CEP131: variants seen among roughly 807,000 people sequenced by gnomAD.
CEP131 encodes centrosomal protein 131, also known as centrosomal protein of 131 kDa.
Under a neutral mutation model 136.8 loss-of-function variants are expected in CEP131, and 99 were observed. The ratio of observed to expected loss-of-function variants is 0.72; its 90% CI spans 0.62 to 0.86. CEP131 has a LOEUF of 0.86. Among genes scored for constraint, CEP131 ranks in the 40% least tolerant of loss-of-function variants. The pLI is 0.00. For missense variants in CEP131, 1,459 were observed against 1,463.0 expected, an observed-to-expected ratio of 1.00 and a Z score of 0.04; for synonymous variants, 646 against 612.7, an observed-to-expected ratio of 1.05 and a Z score of -0.80.
At chr17:81,210,337 C>T (rs942316195) in intron 2 of CEP131, among the ~76,000 whole-genome samples, 1 of 152,096 alleles carries the variant, frequency 6.6e-6, no homozygotes, top group East Asian at 1.9e-4. Context: ...TTTGGGAGGC[C>T]GAGGCGGGTG....
chr17:81,194,785 G>T, intron 17 of CEP131, 85 bp downstream of exon 17: 2 of 1,102,272 alleles, frequency 1.8e-6, no homozygotes, highest in Non-Finnish European at 2.8e-6. Flanking sequence ...CTACATGAAT[G>T]CCTGAAGTTA....
rs759904172 is a variant in CEP131, at chr17:81,192,335, C to T, written c.2605G>A (p.Gly869Ser). ...LELERQAWEA[G>S]RTRKEEAWLL... Reference sequence around the variant, plus strand: ...GCCCCCACCTCCTTCCTGGTGCGGCCGGCCTCCCACGCCTGCCTCTCCAGC... The same window carrying T: ...GCCCCCACCTCCTTCCTGGTGCGGCTGGCCTCCCACGCCTGCCTCTCCAGC... Residue 869 changes from glycine to serine, a missense_variant, in exon 21 of 26, where the codon GGC (glycine) becomes AGC (serine). This residue lies in a region of CEP131 where 1,026 missense variants were observed against 964.2 expected (regional missense o/e 1.06). Coordinates refer to ENST00000450824, the MANE Select transcript of CEP131 (RefSeq NM_014984.4). 21 of 1,563,848 alleles carry T rather than the reference C, an allele frequency of 1.3e-5. No individual in the cohort carries two copies. Among genetic ancestry groups the T allele is most frequent in the East Asian group, 1.2e-4 (5 of 41,946 alleles).
Position 81,197,029 on chromosome 17 carries a change from C to A in CEP131, c.1674G>T (p.Gly558=). The change falls in exon 14 of 26, where the codon GGG becomes GGT. Residue 558 remains glycine (G), a synonymous_variant. Coordinates refer to ENST00000450824, the MANE Select transcript of CEP131 (RefSeq NM_014984.4). ...TCACCTCGGACCCCAGCTCCAGGGGCCCCGGCCCCGCCTCCGGCACCCACC... is the reference window on the plus strand; with the variant it reads ...TCACCTCGGACCCCAGCTCCAGGGGACCCGGCCCCGCCTCCGGCACCCACC... ...QEGWVPEAGP[G]PLELGSEVST... The A allele has an allele frequency of 1.3e-6, 2 of 1,590,522 alleles. No homozygotes were observed. Among genetic ancestry groups the A allele is most frequent in the Non-Finnish European group, 8.6e-7 (1 of 1,168,680 alleles).
Position 81,198,313 on chromosome 17 carries a change from G to A in CEP131, c.1288-16C>T. 6.3e-7 allele frequency: 1 copy of A among 1,579,514 alleles called. No homozygotes were observed. The highest frequency in any genetic ancestry group is 2.3e-5 in the East Asian group (1 of 43,028). On this transcript the variant is annotated splice_polypyrimidine_tract_variant and intron_variant, in intron 11 of 25. Coordinates refer to ENST00000450824, the MANE Select transcript of CEP131 (RefSeq NM_014984.4). ...CAAGAACGTCCTGCAAAAGAGCAGG[G>A]AGACAGATGCAGCAAGGCTGCTGGT...
chr17:81,220,525 G>A (rs1171043374), intron 1 of CEP131, among the ~76,000 whole-genome samples: 2 of 152,076 alleles, frequency 1.3e-5, no homozygotes, highest in African/African-American at 4.8e-5. Context: ...ACAGAGTCTC[G>A]TTCTTGTCAC....
chr17:81,196,144 C>G (rs8071693), intron 15 of CEP131, among the ~76,000 whole-genome samples, 193 bp from the exon 16 acceptor site: 1 of 152,134 alleles, frequency 6.6e-6, no homozygotes, highest in South Asian at 2.1e-4. Flanking sequence ...GGCCTGCATC[C>G]GCCGTCCTGT....
rs775016753 is a variant in CEP131 at position 81,207,108 on chromosome 17, C to T, written c.387+17G>A. On this transcript the variant is annotated intron_variant, in intron 4 of 25. Transcript: ENST00000450824. ...CATCACAGAGACCAGGACGTGGGGC[C>T]GCATGCACCACCTTACCAGGACGTT... The T allele has an allele frequency of 1.4e-5, 23 of 1,602,268 alleles. 1 individual carries two copies. Among genetic ancestry groups the T allele is most frequent in the East Asian group, 8.9e-5 (4 of 44,780 alleles).
chr17:81,198,319 G>C (rs112770207), intron 11 of CEP131, 22 bp from the exon 12 acceptor site: 228,409 of 1,568,862 alleles, frequency 0.15, 19,148 homozygotes, highest in Non-Finnish European at 0.17. Context: ...CAGGGAGACA[G>C]ATGCAGCAAG....
chr17:81,195,257 G>T (rs555770465), intron 16 of CEP131, among the ~76,000 whole-genome samples: 1 of 152,358 alleles, frequency 6.6e-6, no homozygotes, highest in East Asian at 1.9e-4. Context: ...GCTGCCTGTC[G>T]GGACGGCCCC....
chr17:81,192,902 C>T, intron 18 of CEP131, 59 bp from the exon 19 acceptor site: 1 of 1,555,938 alleles, frequency 6.4e-7, no homozygotes, highest in South Asian at 1.2e-5. Flanking sequence ...AGGACCCACC[C>T]ACCGCAGGGG....
In CEP131 at chr17:81,203,154, T is replaced by C. The variant is rs1384199590; in HGVS notation, c.629+340A>G. ...TTCTGGGCTCTGCACAAGCCTTGGCTTCCTCCTGGGGGCCCCACCTCAGGG... is the reference window on the plus strand; with the variant it reads ...TTCTGGGCTCTGCACAAGCCTTGGCCTCCTCCTGGGGGCCCCACCTCAGGG... On this transcript the variant is annotated intron_variant, in intron 6 of 25. Transcript: ENST00000450824. This position sits in a 1 kb window ranked among gnomAD's most constrained non-coding sequence, Gnocchi z 4.6. Among the ~76,000 whole-genome samples the C allele has an allele frequency of 2.0e-5, 3 of 152,016 alleles. No homozygotes were observed. The highest frequency in any genetic ancestry group is 4.4e-5 in the Non-Finnish European group (3 of 67,992).
rs754909164 is a variant in CEP131, at chr17:81,196,705, T to C, written c.1895A>G (p.Asp632Gly). The change falls in exon 15 of 26, where the codon GAC (aspartate) becomes GGC (glycine). Residue 632 changes from aspartate (D) to glycine (G), a missense_variant. Asp to Gly is a moderately conservative substitution (Grantham distance 94). Transcript: ENST00000450824. ...TGCGCTCCCCGGGCCGCTCACCTGG[T>C]CAATGAAGGCCAAGTGCCGCTGGAT... is the stretch of plus-strand genomic sequence containing the variant. ...ATIQRHLAFI[D>G]QLIEDKKVLS... The C allele has an allele frequency of 4.2e-5, 67 of 1,604,766 alleles. No homozygotes were observed. Among genetic ancestry groups the C allele is most frequent in the Non-Finnish European group, 5.4e-5 (64 of 1,178,500 alleles).
Position 81,219,680 on chromosome 17 carries a change from C to G in CEP131, c.177+200G>C, listed in dbSNP as rs1057064891. On this transcript the variant is annotated intron_variant, in intron 2 of 25. Coordinates refer to ENST00000450824, the MANE Select transcript of CEP131 (RefSeq NM_014984.4). This position sits in a 1 kb window ranked among gnomAD's most constrained non-coding sequence, Gnocchi z 4.0. ...GGCTGTTGCTGAAAGAATCCAAGCTCTGGCTTGACTTTCTAGTGATTCAGC... is the reference window on the plus strand; with the variant it reads ...GGCTGTTGCTGAAAGAATCCAAGCTGTGGCTTGACTTTCTAGTGATTCAGC... Among the ~76,000 whole-genome samples, 1 of 152,184 alleles carries G rather than the reference C, an allele frequency of 6.6e-6. No individual in the cohort carries two copies. Among genetic ancestry groups the G allele is most frequent in the African/African-American group, 2.4e-5 (1 of 41,438 alleles).
chr17:81,220,726 C>G (rs1354951139), intron 1 of CEP131, among the ~76,000 whole-genome samples: 1 of 151,990 alleles, frequency 6.6e-6, no homozygotes, highest in Non-Finnish European at 1.5e-5. Context: ...GTCTCGAACT[C>G]CTGACCTCAG....
rs142165029 is a variant in CEP131, at chr17:81,212,817, C to T, written c.178-3795G>A. On this transcript the variant is annotated intron_variant, in intron 2 of 25. Transcript: ENST00000450824. ...TAGCGGCAGAGACATCAGTAGGACG[C>T]ACAACACCAATGGTTACTAGGTAGG... Among the ~76,000 whole-genome samples the T allele has an allele frequency of 3.4e-3, 515 of 152,238 alleles. 4 individuals are homozygous for T. Among genetic ancestry groups the T allele is most frequent in the African/African-American group, 0.012 (483 of 41,536 alleles).
At chr17:81,193,865 C>G in intron 18 of CEP131, 61 bp downstream of exon 18, 2 of 1,503,042 alleles carry the variant, frequency 1.3e-6, no homozygotes, top group Non-Finnish European at 1.8e-6. Flanking sequence ...CTCCAGCCTT[C>G]GAGGATTCCG....
chr17:81,193,931 C>G lies in CEP131; in HGVS notation c.2316G>C (p.Arg772=). ...ALGQQERERA[R]QRFQQHLEQE... is the part of the protein sequence containing the mutation. ...GGCCTGGGGCCACCACCCACCGCTG[C>G]CGAGCACGTTCGCGCTCCTGCTGGC... The change falls in exon 18 of 26, where the codon CGG becomes CGC. Residue 772 remains arginine, a synonymous_variant. Coordinates refer to ENST00000450824, the MANE Select transcript of CEP131 (RefSeq NM_014984.4). 2 of 1,535,308 alleles carry G rather than the reference C, an allele frequency of 1.3e-6. No individual in the cohort carries two copies. The highest frequency in any genetic ancestry group is 1.8e-6 in the Non-Finnish European group (2 of 1,142,284).
chr17:81,192,040 G>A (rs557831331), intron 21 of CEP131, among the ~76,000 whole-genome samples: 13 of 152,170 alleles, frequency 8.5e-5, no homozygotes, highest in Admixed American at 7.2e-4. Context: ...GGGCGCAGGG[G>A]TGTAGCAGCC....
At position 81,200,374 on chromosome 17, in the gene CEP131, T is replaced by C. The variant is rs2061863824; in HGVS notation, c.861A>G (p.Gly287=). ...RWYRHQVQRR[G]AGAARLEHLL... ...AGTGCTCCAGGCGGGCAGCTCCTGC[T>C]CCGCGCCGCTGCACCTGGTGCCGGT... Residue 287 remains glycine, a synonymous_variant, in exon 8 of 26, where the codon GGA becomes GGG. Transcript: ENST00000450824. 6 of 1,577,522 alleles carry C rather than the reference T, an allele frequency of 3.8e-6. No individual in the cohort carries two copies. Among genetic ancestry groups the C allele is most frequent in the Non-Finnish European group, 5.2e-6 (6 of 1,162,338 alleles).
Sources: gnomAD v4.1 joint callset for allele counts (sites outside exome capture counted in the v4.1 genomes callset) on GRCh38, gnomAD v4.1.1 for gene constraint, gnomAD v4.1.1 regional missense constraint, Gnocchi (gnomAD v3.1) non-coding constraint, MANE v1.5 for transcripts, NCBI Gene and HGNC (gene_info 2026-07-23, HGNC 2026-07-21) for gene names.